The following ERICH3 variants were observed in gnomAD, a reference collection of about 807,000 sequenced individuals.
ERICH3 encodes the protein glutamate rich 3.
Under a neutral mutation model 131.1 loss-of-function variants are expected in ERICH3, and 126 were observed. The ratio of observed to expected loss-of-function variants is 0.96; its 90% CI spans 0.83 to 1.11. The LOEUF (loss-of-function observed/expected upper bound fraction) is 1.11. ERICH3 is among the 50% of genes most tolerant of loss of function. The pLI is 0.00. For missense variants in ERICH3, 2,050 were observed against 1,810.7 expected (o/e 1.13, Z -2.40); for synonymous variants, 695 against 644.6 (o/e 1.08, Z -1.18).
At position 74,673,596 on chromosome 1, in the gene ERICH3, G is replaced by T; in HGVS notation, c.-77C>A. The T allele has an allele frequency of 6.5e-7, 1 of 1,530,726 alleles. No homozygotes were observed. Among genetic ancestry groups the T allele is most frequent in the Non-Finnish European group, 8.9e-7 (1 of 1,118,760 alleles). 94.8% of individuals were successfully genotyped at this position (1,530,726 alleles called of 1,614,324 possible). On this transcript the variant is annotated 5_prime_UTR_variant, in exon 1 of 15. Coordinates refer to ENST00000326665, the MANE Select transcript of ERICH3 (RefSeq NM_001002912.5). ...GGGGCCCCGTGCGCGCTGGCGCTGCGACAGTCGCGCTCGAGGGGTGGCTCC... is the reference window on the plus strand; with the variant it reads ...GGGGCCCCGTGCGCGCTGGCGCTGCTACAGTCGCGCTCGAGGGGTGGCTCC...
At chr1:74,615,090 A>G (rs1570872794) in intron 8 of ERICH3, 1 of 152,286 alleles carries the variant, frequency 6.6e-6, no homozygotes, top group African/African-American at 2.4e-5. Flanking sequence ...GTAGCTGGAG[A>G]GTATGCCCAG....
Position 74,576,883 on chromosome 1 carries a change from T to C in ERICH3, c.2218+12A>G, listed in dbSNP as rs1327492601. 1.3e-6 allele frequency: 2 copies of C among 1,593,180 alleles called. No homozygotes were observed. Among genetic ancestry groups the C allele is most frequent in the Non-Finnish European group, 1.7e-6 (2 of 1,171,568 alleles). ...TCACTCTAATTGGACCTCTTGCAGA[T>C]GGAATACTTACCACCAAGAGCCAGG... On this transcript the variant is annotated intron_variant, in intron 13 of 14. Transcript: ENST00000326665.
chr1:74,622,184 C>T (rs953808486), intron 7 of ERICH3: 7 of 152,110 alleles, frequency 4.6e-5, no homozygotes, highest in Non-Finnish European at 1.0e-4. Context: ...GAAGCAAAAA[C>T]CAGAGGAAAG....
At chr1:74,667,500 A>AGAT (rs1487493856) in intron 1 of ERICH3, among the ~76,000 whole-genome samples, 3 of 152,214 alleles carry the variant, frequency 2.0e-5, no homozygotes, top group African/African-American at 7.2e-5. Context: ...AAAGGTTAGA[A>AGAT]GATTATTTCA....
chr1:74,593,356 G>A (rs1402303898), intron 11 of ERICH3, among the ~76,000 whole-genome samples: 3 of 151,978 alleles, frequency 2.0e-5, no homozygotes, highest in South Asian at 2.1e-4. Flanking sequence ...TCTCCTGTAC[G>A]ACAAACCCTG....
intron 8 of ERICH3, among the ~76,000 whole-genome samples, chr1:74,618,115 T>C (rs1161117324): frequency 6.6e-6 from 1 of 152,142 alleles, no homozygotes; most frequent in Admixed American, 6.5e-5. Flanking sequence ...GTGACTATGA[T>C]TGTGGCACTG....
intron 4 of ERICH3, 113 bp from the exon 5 acceptor site, chr1:74,641,572 C>T (rs1264755788): frequency 7.9e-7 from 1 of 1,265,424 alleles, no homozygotes; most frequent in Non-Finnish European, 1.1e-6. Flanking sequence ...TCATTTCTTC[C>T]AAGAGTTACT....
chr1:74,607,331 C>T (rs1648450803), intron 9 of ERICH3, among the ~76,000 whole-genome samples: 1 of 151,798 alleles, frequency 6.6e-6, no homozygotes, highest in Admixed American at 6.6e-5. Context: ...ATAGAACATG[C>T]AGATTTACAA....
intron 6 of ERICH3, chr1:74,634,629 T>G: frequency 2.8e-6 from 2 of 712,704 alleles, no homozygotes; most frequent in Non-Finnish European, 5.2e-6. Flanking sequence ...CAAAGTAGCA[T>G]TAATAATTAT....
At chr1:74,610,958 T>C (rs934509175) in intron 9 of ERICH3, among the ~76,000 whole-genome samples, 1 of 152,164 alleles carries the variant, frequency 6.6e-6, no homozygotes, top group African/African-American at 2.4e-5. Flanking sequence ...CTCTTTCTAT[T>C]CACTGCCTTT....
At position 74,658,234 on chromosome 1, in the gene ERICH3, C is replaced by G. The variant is rs368876351; in HGVS notation, c.24-8919G>C. Reference sequence around the variant, plus strand: ...CCTCCTCCTTCTGCTCTTCCTTTTCCCCTCCACTTCCCAATTCCTTGTCCT... The same window carrying G: ...CCTCCTCCTTCTGCTCTTCCTTTTCGCCTCCACTTCCCAATTCCTTGTCCT... On this transcript the variant is annotated intron_variant, in intron 1 of 14. Transcript: ENST00000326665. 1.1e-4 allele frequency among the ~76,000 whole-genome samples: 16 copies of G among 152,290 alleles called. No homozygotes were observed. The South Asian group carries it at 1.7e-3, about 16-fold the overall frequency.
At chr1:74,612,860 C>T (rs1365036609) in intron 8 of ERICH3, 51 bp from the exon 9 acceptor site, 1 of 1,433,472 alleles carries the variant, frequency 7.0e-7, no homozygotes, top group African/African-American at 1.4e-5. Flanking sequence ...TTCGGACTAA[C>T]ATCTGTTAAA....
rs1373390085 is a variant in ERICH3 at position 74,570,038 on chromosome 1, T to C, written c.*420A>G. On this transcript the variant is annotated 3_prime_UTR_variant, in exon 15 of 15. Transcript: ENST00000326665. ...TTAAATAAAATTCCCATGTATGAAA[T>C]TGAGATTGTGGAATTGACTGGGGCT... is the stretch of plus-strand genomic sequence containing the variant. The C allele has an allele frequency of 1.3e-5, 2 of 152,046 alleles. No homozygotes were observed. The highest frequency in any genetic ancestry group is 1.9e-4 in the East Asian group (1 of 5,180). 9.4% of individuals were successfully genotyped at this position (152,046 alleles called of 1,614,324 possible).
intron 12 of ERICH3, among the ~76,000 whole-genome samples, chr1:74,582,606 C>T (rs1449647134): frequency 6.6e-6 from 1 of 152,070 alleles, no homozygotes; most frequent in Non-Finnish European, 1.5e-5. Flanking sequence ...CTTAGAAACT[C>T]ACTGCAATAA....
intron 1 of ERICH3, among the ~76,000 whole-genome samples, chr1:74,655,451 G>T (rs1646575006): frequency 6.6e-6 from 1 of 152,084 alleles, no homozygotes; most frequent in African/African-American, 2.4e-5. Context: ...TACATGCCTT[G>T]GGTCCTGGGC....
At position 74,573,232 on chromosome 1, in the gene ERICH3, T is replaced by C; in HGVS notation, c.2478A>G (p.Thr826=). ...AEQPELAEEF[T]EKREIPPGIE... is the part of the protein sequence containing the mutation. ...TGCCTGGAGGGATCTCCCTTTTTTCTGTAAACTCTTCTGCCAATTCTGGCT... is the reference window on the plus strand; with the variant it reads ...TGCCTGGAGGGATCTCCCTTTTTTCCGTAAACTCTTCTGCCAATTCTGGCT... The change falls in exon 14 of 15, where the codon ACA becomes ACG. Residue 826 remains threonine (T), a synonymous_variant. Transcript: ENST00000326665. 6.2e-7 allele frequency: 1 copy of C among 1,607,656 alleles called. No individual in the cohort carries two copies. The highest frequency in any genetic ancestry group is 8.5e-7 in the Non-Finnish European group (1 of 1,177,192).
rs950803468 is a variant in ERICH3, at chr1:74,571,881, C to A, written c.3829G>T (p.Glu1277Ter). ...VLRTQEAVAE[E>*]DPIMAEKFRE... ...AACTTTTCTGCCATTATGGGATCTTCCTCAGCAACAGCTTCCTGGGTCCTT... is the reference window on the plus strand; with the variant it reads ...AACTTTTCTGCCATTATGGGATCTTACTCAGCAACAGCTTCCTGGGTCCTT... The change falls in exon 14 of 15, where the codon GAA becomes TAA. Residue 1277 changes from glutamate (E) to a stop codon, truncating the protein, a stop_gained. Coordinates refer to ENST00000326665, the MANE Select transcript of ERICH3 (RefSeq NM_001002912.5). LOFTEE classifies it high-confidence loss of function. 1 of 1,612,000 alleles carries A rather than the reference C, an allele frequency of 6.2e-7. No individual in the cohort carries two copies. Among genetic ancestry groups the A allele is most frequent in the Non-Finnish European group, 8.5e-7 (1 of 1,180,026 alleles).
chr1:74,659,143 C>T (rs1646614685), intron 1 of ERICH3, among the ~76,000 whole-genome samples: 1 of 152,112 alleles, frequency 6.6e-6, no homozygotes, highest in Non-Finnish European at 1.5e-5. Flanking sequence ...TAGAAGAGAA[C>T]TGAATAAGTG....
rs640951 is a variant in ERICH3, at chr1:74,641,473, G to A, written c.316-14C>T. ...TGTGTGCTCTCCCTAGAATAAGAAA[G>A]CAATTTAGCAAATAGATGCATAGTT... On this transcript the variant is annotated splice_polypyrimidine_tract_variant and intron_variant, in intron 4 of 14. Transcript: ENST00000326665. 4,255 of 1,607,910 alleles carry A rather than the reference G, an allele frequency of 2.6e-3. 72 individuals are homozygous for A. The African/African-American group carries it at 0.043, about 16-fold the overall frequency.
Sources: allele counts gnomAD v4.1 joint callset (sites outside exome capture counted in the v4.1 genomes callset), GRCh38; gene constraint gnomAD v4.1.1; transcripts MANE v1.5; gene names NCBI Gene and HGNC (gene_info 2026-07-23, HGNC 2026-07-21).